EPB42: variants seen among roughly 807,000 people sequenced by gnomAD.
The protein encoded by EPB42 is erythrocyte membrane protein band 4.2.
Under a neutral mutation model 76.9 loss-of-function variants are expected in EPB42, and 49 were observed. That is an observed-to-expected ratio of 0.64 (90% confidence interval 0.51 to 0.81). EPB42 has a LOEUF of 0.81. Among genes scored for constraint, EPB42 ranks in the 30% least tolerant of loss-of-function variants. The probability of loss-of-function intolerance (pLI) is 0.00; values close to 1 mark genes in which losing one functional copy is unlikely to be tolerated. For missense variants in EPB42, 731 were observed against 867.6 expected, an observed-to-expected ratio of 0.84 and a Z score of 1.98; for synonymous variants, 310 against 338.4, an observed-to-expected ratio of 0.92 and a Z score of 0.92.
At chr15:43,224,011 G>T (rs967458886), upstream of EPB42, among the ~76,000 whole-genome samples, 19 of 152,214 alleles carry the variant, frequency 1.2e-4, no homozygotes, top group African/African-American at 4.3e-4. Context: ...ATAAATAATT[G>T]GTGCAGCCTC....
chr15:43,225,729 T>C (rs1425233384), upstream of EPB42, among the ~76,000 whole-genome samples: 1 of 152,116 alleles, frequency 6.6e-6, no homozygotes, highest in Non-Finnish European at 1.5e-5. Flanking sequence ...GAAGTTTGAG[T>C]GCTCTTGGAC....
intron 10 of EPB42, among the ~76,000 whole-genome samples, chr15:43,205,018 G>A (rs2042180475): frequency 7.9e-6 from 1 of 126,498 alleles, no homozygotes; most frequent in South Asian, 2.5e-4. Flanking sequence ...CTAAGGTTAA[G>A]AAGCACTCTT....
At position 43,211,547 on chromosome 15, in the gene EPB42, G is replaced by A; in HGVS notation, c.431-13C>T. 6.4e-7 allele frequency: 1 copy of A among 1,570,456 alleles called. No individual in the cohort carries two copies. Among genetic ancestry groups the A allele is most frequent in the South Asian group, 1.1e-5 (1 of 90,236 alleles). On this transcript the variant is annotated splice_polypyrimidine_tract_variant and intron_variant, in intron 3 of 12. Coordinates refer to ENST00000441366, the MANE Select transcript of EPB42 (RefSeq NM_001114134.2). ...AACACAGCATCCTCTGGTGAGAGGT[G>A]GGTAGGGATGAGGGCCTGTGGGGGT... is the stretch of plus-strand genomic sequence containing the variant.
chr15:43,198,391 T>C (rs993182452), intron 12 of EPB42, among the ~76,000 whole-genome samples: 6 of 152,216 alleles, frequency 3.9e-5, no homozygotes, highest in African/African-American at 1.4e-4. Flanking sequence ...GTGACTCTTA[T>C]GTTTTAGCAA....
chr15:43,208,078 G>A (rs2042232323), intron 8 of EPB42, 152 bp downstream of exon 8: 1 of 703,354 alleles, frequency 1.4e-6, no homozygotes, highest in African/African-American at 1.8e-5. Context: ...CTGGCATCAG[G>A]TCAGCTTTCT....
At chr15:43,216,948 C>T (rs531726342) in intron 1 of EPB42, among the ~76,000 whole-genome samples, 2 of 152,310 alleles carry the variant, frequency 1.3e-5, no homozygotes, top group East Asian at 3.9e-4. Context: ...GTGGAACTGT[C>T]TCACCCAAGA....
upstream of EPB42, among the ~76,000 whole-genome samples, chr15:43,223,805 C>T (rs1244252532): frequency 6.6e-6 from 1 of 152,138 alleles, no homozygotes; most frequent in Non-Finnish European, 1.5e-5. Flanking sequence ...GAAAACCAAT[C>T]TCTACTAAAA....
At chr15:43,216,228 C>CT (rs1185703154) in intron 2 of EPB42, 40 bp downstream of exon 2, 1 of 1,610,698 alleles carries the variant, frequency 6.2e-7, no homozygotes, top group African/African-American at 1.3e-5. Flanking sequence ...GAGAACCCCC[C>CT]AGGCCTGCTG....
At chr15:43,221,362 A>G (rs1319763178), upstream of EPB42, among the ~76,000 whole-genome samples, 2 of 152,192 alleles carry the variant, frequency 1.3e-5, no homozygotes, top group Non-Finnish European at 2.9e-5. Context: ...AATAGAGAGA[A>G]CACGTGCATC....
chr15:43,216,548 T>C (rs1206893637), intron 1 of EPB42, 95 bp from the exon 2 acceptor site: 2 of 1,372,894 alleles, frequency 1.5e-6, no homozygotes, highest in African/African-American at 2.9e-5. Context: ...AGGGTTCTAA[T>C]CCTCGGCTCC....
chr15:43,210,195 T>C lies in EPB42; in HGVS notation c.654+140A>G, dbSNP rs1480000679. ...TCTTTTTGTCCTCCTCGGACGCTTCTGTAGGAACTGTCCCCACACCCTGGG... is the reference window on the plus strand; with the variant it reads ...TCTTTTTGTCCTCCTCGGACGCTTCCGTAGGAACTGTCCCCACACCCTGGG... On this transcript the variant is annotated intron_variant, in intron 5 of 12. Transcript: ENST00000441366. 43 of 792,032 alleles carry C rather than the reference T, an allele frequency of 5.4e-5. 1 individual carries two copies. The highest frequency in any genetic ancestry group is 5.1e-5 in the Non-Finnish European group (23 of 447,750). The allele number at this position is 792,032 out of a possible 1,614,324, so 49.1% of individuals were successfully genotyped here.
intron 11 of EPB42, 130 bp downstream of exon 11, chr15:43,202,985 G>A: frequency 1.8e-6 from 2 of 1,132,218 alleles, no homozygotes; most frequent in Non-Finnish European, 2.7e-6. Flanking sequence ...AAGGGAAGGA[G>A]CTCTTAAATG....
intron 1 of EPB42, 109 bp from the exon 2 acceptor site, chr15:43,216,562 T>A: frequency 7.9e-7 from 1 of 1,264,474 alleles, no homozygotes; most frequent in Non-Finnish European, 1.1e-6. Context: ...CGGCTCCACT[T>A]ACGTTTTAGC....
chr15:43,224,341 G>A (rs2042488900), upstream of EPB42, among the ~76,000 whole-genome samples: 4 of 152,112 alleles, frequency 2.6e-5, no homozygotes, highest in African/African-American at 9.7e-5. Flanking sequence ...TGGGGGTTAG[G>A]GCTTCAACAT....
intron 3 of EPB42, among the ~76,000 whole-genome samples, chr15:43,211,831 G>A (rs1170679137): frequency 6.6e-6 from 1 of 152,136 alleles, no homozygotes; most frequent in Non-Finnish European, 1.5e-5. Context: ...CACTTTGGGA[G>A]GCCAAAGCAG....
In EPB42 at chr15:43,203,139, A is replaced by G; in HGVS notation, c.1755T>C (p.Ile585=). 2 of 1,614,062 alleles carry G rather than the reference A, an allele frequency of 1.2e-6. No individual in the cohort carries two copies. The highest frequency in any genetic ancestry group is 1.6e-4 in the Middle Eastern group (1 of 6,062). The change falls in exon 11 of 13, where the codon ATT becomes ATC. Residue 585 remains isoleucine, a synonymous_variant. Coordinates refer to ENST00000441366, the MANE Select transcript of EPB42 (RefSeq NM_001114134.2). The part of the protein sequence containing the change: ...LSCFAQEDIA[I]CRPHLAIKMP... ...CCTTGATGGCAAGGTGTGGTCTACA[A>G]ATGGCAATGTCTTCCTGAGCAAAGC...
At chr15:43,204,963 C>T (rs1240355994) in intron 10 of EPB42, among the ~76,000 whole-genome samples, 14 of 45,746 alleles carry the variant, frequency 3.1e-4, no homozygotes, top group Non-Finnish European at 9.5e-4. Context: ...CTGCCCCCTC[C>T]GCCCCCCCCC....
chr15:43,197,236 C>T lies in EPB42; in HGVS notation c.*66G>A, dbSNP rs547763264. The T allele has an allele frequency of 1.9e-5, 30 of 1,606,004 alleles. No individual in the cohort carries two copies. The East Asian group carries it at 5.6e-4, about 30-fold the overall frequency. Reference sequence around the variant, plus strand: ...ACACTGAGACGCAAAGTTTCTCTTCCTAGCACATGTTTGGTTTAGATTGTA... The same window carrying T: ...ACACTGAGACGCAAAGTTTCTCTTCTTAGCACATGTTTGGTTTAGATTGTA... On this transcript the variant is annotated 3_prime_UTR_variant, in exon 13 of 13. Coordinates refer to ENST00000441366, the MANE Select transcript of EPB42 (RefSeq NM_001114134.2).
intron 1 of EPB42, among the ~76,000 whole-genome samples, chr15:43,217,868 A>G (rs2042401215): frequency 6.6e-6 from 1 of 152,230 alleles, no homozygotes; most frequent in Non-Finnish European, 1.5e-5. Flanking sequence ...GTAGAGGGGA[A>G]GGATGTTCTA....
Sources: allele counts gnomAD v4.1 joint callset (sites outside exome capture counted in the v4.1 genomes callset), GRCh38; gene constraint gnomAD v4.1.1; transcripts MANE v1.5; gene names NCBI Gene and HGNC (gene_info 2026-07-23, HGNC 2026-07-21).